The following SYNE3 variants were observed in gnomAD, a reference collection of about 807,000 sequenced individuals.
SYNE3 encodes the protein spectrin repeat containing nuclear envelope family member 3.
A neutral mutation model predicts 111.2 loss-of-function variants in SYNE3; 100 were observed. The observed-to-expected ratio is 0.90, with a 90% CI of 0.77 to 1.06. The LOEUF (loss-of-function observed/expected upper bound fraction) is 1.06. Among genes scored for constraint, SYNE3 ranks in the 50% least tolerant of loss-of-function variants. The pLI is 0.00. For missense variants in SYNE3, 1,160 were observed against 1,240.3 expected, an observed-to-expected ratio of 0.94 and a Z score of 0.97; for synonymous variants, 547 against 533.9, an observed-to-expected ratio of 1.02 and a Z score of -0.34.
At chr14:95,469,823 T>C (rs1209861558) in intron 2 of SYNE3, among the ~76,000 whole-genome samples, 2 of 152,210 alleles carry the variant, frequency 1.3e-5, no homozygotes, top group African/African-American at 4.8e-5. Context: ...CCTTCCCCAA[T>C]GTGTGCAAAT....
chr14:95,479,137 G>C (rs1439531347), intron 1 of SYNE3, among the ~76,000 whole-genome samples: 1 of 148,024 alleles, frequency 6.8e-6, no homozygotes, highest in African/African-American at 2.5e-5. Context: ...GCTCATGCCT[G>C]TAATCCCAGC....
At position 95,452,354 on chromosome 14, in the gene SYNE3, C is replaced by A. The variant is rs765042354; in HGVS notation, c.1167G>T (p.Glu389Asp). Residue 389 changes from glutamate (E) to aspartate (D), a missense_variant, in exon 7 of 18, where the codon GAG becomes GAT. Glu to Asp is a conservative substitution (Grantham distance 45). Transcript: ENST00000682763. ...GGGCTTGCAGCCGGTCCACCCGGGG[C>A]TCCTCCGAGGCCAGCGCCGCCCGTG... is the stretch of plus-strand genomic sequence containing the variant. ...SATRAALASE[E>D]PRVDRLQAQL... 1 of 1,613,000 alleles carries A rather than the reference C, an allele frequency of 6.2e-7. No homozygotes were observed. The highest frequency in any genetic ancestry group is 8.5e-7 in the Non-Finnish European group (1 of 1,179,744).
chr14:95,513,433 A>G (rs1227994266), intron 1 of SYNE3, among the ~76,000 whole-genome samples: 5 of 152,126 alleles, frequency 3.3e-5, no homozygotes, highest in Non-Finnish European at 7.4e-5. Context: ...GAGGGTTAGT[A>G]ATAATAAAAA....
Position 95,439,757 on chromosome 14 carries a change from CCTT to C in SYNE3, c.2098_2100del (p.Lys700del), listed in dbSNP as rs1365524500. On this transcript the variant is annotated inframe_deletion, in exon 13 of 18. Coordinates refer to ENST00000682763, the MANE Select transcript of SYNE3 (RefSeq NM_152592.6). Reference sequence around the variant, plus strand: ...GCTTCCACCAGGGACAGCTGGGCCTCCTTCTCCGGGAATTCTGCCACCAGCCTC... The same window carrying C: ...GCTTCCACCAGGGACAGCTGGGCCTCCTCCGGGAATTCTGCCACCAGCCTC... 2 of 1,613,508 alleles carry C rather than the reference CCTT, an allele frequency of 1.2e-6. No individual in the cohort carries two copies. The highest frequency in any genetic ancestry group is 1.7e-6 in the Non-Finnish European group (2 of 1,179,622).
At chr14:95,495,546 A>G (rs1447880319) in intron 1 of SYNE3, among the ~76,000 whole-genome samples, 1 of 152,228 alleles carries the variant, frequency 6.6e-6, no homozygotes, top group East Asian at 1.9e-4. Flanking sequence ...GGCAGACACC[A>G]TGAAGGCCCC....
chr14:95,469,797 G>A (rs1372017631), intron 2 of SYNE3, among the ~76,000 whole-genome samples: 1 of 152,148 alleles, frequency 6.6e-6, no homozygotes, highest in Admixed American at 6.5e-5. Context: ...GTAAACTGTT[G>A]AACAATTATG....
At position 95,410,822 on chromosome 14, in the gene SYNE3, T is replaced by C. The variant is rs146220730; in HGVS notation, c.*7004A>G. 1.6e-4 allele frequency: 24 copies of C among 152,294 alleles called. No individual in the cohort carries two copies. The highest frequency in any genetic ancestry group is 1.4e-3 in the Admixed American group (22 of 15,298). 9.4% of individuals were successfully genotyped at this position (152,294 alleles called of 1,614,324 possible). A position where few individuals can be genotyped will look rare whatever the true frequency, so the allele number is the denominator to read the frequency against. On this transcript the variant is annotated 3_prime_UTR_variant, in exon 18 of 18. Coordinates refer to ENST00000682763, the MANE Select transcript of SYNE3 (RefSeq NM_152592.6). ...CGAGCCCACGCGCACAATCCTAGGA[T>C]ACCTAATATTTCAGGGAGCACTGAA...
Position 95,407,943 on chromosome 14 carries a change from G to A in SYNE3, c.*9883C>T, listed in dbSNP as rs1361080147. ...ACATAGACTTAGCTTAGGGTAGAGT[G>A]AACTTGTTTATGAGAACCTCGTTTA... On this transcript the variant is annotated 3_prime_UTR_variant, in exon 18 of 18. Transcript: ENST00000682763. The A allele has an allele frequency of 6.6e-6, 1 of 152,180 alleles. No individual in the cohort carries two copies. Among genetic ancestry groups the A allele is most frequent in the Non-Finnish European group, 1.5e-5 (1 of 68,040 alleles). The allele number at this position is 152,180 out of a possible 1,614,324, so 9.4% of individuals were successfully genotyped here. A position where few individuals can be genotyped will look rare whatever the true frequency, so the allele number is the denominator to read the frequency against.
Position 95,467,932 on chromosome 14 carries a change from C to T in SYNE3, c.180G>A (p.Arg60=). Residue 60 remains arginine, a synonymous_variant, in exon 3 of 18, where the codon AGG becomes AGA. Transcript: ENST00000682763. Reference sequence around the variant, plus strand: ...CAGCCATCCGTAGCACGAGGTCCACCCTCACACGCCCCTCGGGCTCCAGCT... The same window carrying T: ...CAGCCATCCGTAGCACGAGGTCCACTCTCACACGCCCCTCGGGCTCCAGCT... The part of the protein sequence containing the change: ...ICQLEPEGRV[R]VDLVLRMAEA... 1.2e-6 allele frequency: 2 copies of T among 1,613,606 alleles called. No individual in the cohort carries two copies. Among genetic ancestry groups the T allele is most frequent in the African/African-American group, 1.3e-5 (1 of 75,050 alleles).
intron 4 of SYNE3, among the ~76,000 whole-genome samples, chr14:95,462,073 G>A (rs1054202663): frequency 7.9e-5 from 12 of 152,178 alleles, no homozygotes; most frequent in African/African-American, 2.4e-4. Flanking sequence ...CTCAGGCTTC[G>A]GAAGAACATG....
Position 95,439,646 on chromosome 14 carries a change from G to A in SYNE3, c.2212C>T (p.Arg738Trp), listed in dbSNP as rs750249553. ...EELRELAESW[R>W]ALRLLEESLL... The stretch of plus-strand genomic sequence containing the variant: ...CTTTCTTCCAGCAGCCTCAAGGCCC[G>A]CCACGACTCTGCCAGCTCCCTGAGC... Residue 738 changes from arginine to tryptophan, a missense_variant, in exon 13 of 18, where the codon CGG becomes TGG. By Grantham distance (101) the Arg-to-Trp change is moderately radical (BLOSUM62 -3). Coordinates refer to ENST00000682763, the MANE Select transcript of SYNE3 (RefSeq NM_152592.6). 10 of 1,613,022 alleles carry A rather than the reference G, an allele frequency of 6.2e-6. No individual in the cohort carries two copies. Among genetic ancestry groups the A allele is most frequent in the South Asian group, 5.5e-5 (5 of 91,070 alleles).
At chr14:95,425,243 CAAA>C (rs71132347) in intron 17 of SYNE3, among the ~76,000 whole-genome samples, 2 of 142,882 alleles carry the variant, frequency 1.4e-5, no homozygotes, top group Admixed American at 7.0e-5. Flanking sequence ...GAGACTCCAT[CAAA>C]AAAAAAAAAG....
At chr14:95,444,660 G>A in intron 9 of SYNE3, 32 bp from the exon 10 acceptor site, 1 of 1,540,964 alleles carries the variant, frequency 6.5e-7, no homozygotes, top group Non-Finnish European at 8.8e-7. Context: ...TGCACATTAA[G>A]AGCGTTCCTC....
At chr14:95,508,975 T>A (rs1039342986) in intron 1 of SYNE3, among the ~76,000 whole-genome samples, 2 of 152,218 alleles carry the variant, frequency 1.3e-5, no homozygotes, top group African/African-American at 2.4e-5. Context: ...GTTAATAAGA[T>A]CCTATTTTAA....
chr14:95,438,887 G>T (rs965927438), intron 14 of SYNE3, 146 bp downstream of exon 14: 32 of 1,131,880 alleles, frequency 2.8e-5, no homozygotes, highest in Non-Finnish European at 3.8e-5. Context: ...CACAGCTGGG[G>T]CAGGCTCAAA....
In SYNE3 at chr14:95,410,476, G is replaced by A. The variant is rs1296973094; in HGVS notation, c.*7350C>T. 2 of 152,264 alleles carry A rather than the reference G, an allele frequency of 1.3e-5. No homozygotes were observed. Among genetic ancestry groups the A allele is most frequent in the Non-Finnish European group, 2.9e-5 (2 of 68,096 alleles). 9.4% of individuals were successfully genotyped at this position (152,264 alleles called of 1,614,324 possible). ...AATGAGATGAGAACGGAAGTGGCTG[G>A]TGGAGCTTCTGGGAAAGCTGCTAAT... On this transcript the variant is annotated 3_prime_UTR_variant, in exon 18 of 18. Coordinates refer to ENST00000682763, the MANE Select transcript of SYNE3 (RefSeq NM_152592.6).
rs1407134003 is a variant in SYNE3 at position 95,417,825 on chromosome 14, G to C, written c.*1C>G. The C allele has an allele frequency of 6.2e-7, 1 of 1,614,228 alleles. No homozygotes were observed. The highest frequency in any genetic ancestry group is 1.7e-5 in the Admixed American group (1 of 60,028). On this transcript the variant is annotated 3_prime_UTR_variant, in exon 18 of 18. Coordinates refer to ENST00000682763, the MANE Select transcript of SYNE3 (RefSeq NM_152592.6). ...GAAAGTCACCTGTGTGCCCCAGTGGGTTAGGTGGGTGGTGGGCCATTGTAG... is the reference window on the plus strand; with the variant it reads ...GAAAGTCACCTGTGTGCCCCAGTGGCTTAGGTGGGTGGTGGGCCATTGTAG...
chr14:95,456,543 A>G (rs188656849), intron 5 of SYNE3, among the ~76,000 whole-genome samples: 3 of 152,108 alleles, frequency 2.0e-5, no homozygotes, highest in Non-Finnish European at 2.9e-5. Context: ...CCCTCTTAGG[A>G]CATTGCCAAA....
chr14:95,448,731 T>C (rs1016563268), intron 8 of SYNE3, among the ~76,000 whole-genome samples: 5 of 152,170 alleles, frequency 3.3e-5, no homozygotes, highest in Non-Finnish European at 7.4e-5. Flanking sequence ...ATTGTCCCAA[T>C]GTAAGCCCCA....
Sources: gnomAD v4.1 joint callset for allele counts (sites outside exome capture counted in the v4.1 genomes callset) on GRCh38, gnomAD v4.1.1 for gene constraint, MANE v1.5 for transcripts, NCBI Gene and HGNC (gene_info 2026-07-23, HGNC 2026-07-21) for gene names.